PTBP2: variants seen among roughly 807,000 people sequenced by gnomAD.
PTBP2 encodes the protein polypyrimidine tract-binding protein 2.
A neutral mutation model predicts 61.4 loss-of-function variants in PTBP2; 13 were observed. That is an observed-to-expected ratio of 0.21 (90% confidence interval 0.14 to 0.34). The LOEUF is 0.34. Ranked by LOEUF, PTBP2 falls within the 10% of genes least tolerant of loss-of-function variation. PTBP2 has a pLI of 1.00. For missense variants in PTBP2, 405 were observed against 642.6 expected (o/e 0.63, Z 4.00); for synonymous variants, 215 against 218.5 (o/e 0.98, Z 0.14).
intron 3 of PTBP2, among the ~76,000 whole-genome samples, chr1:96,758,413 A>G (rs962321577): frequency 2.0e-5 from 3 of 152,090 alleles, no homozygotes; most frequent in Non-Finnish European, 2.9e-5. Flanking sequence ...TGAAACCACT[A>G]TAACTGACAG....
In PTBP2 at chr1:96,813,477, TG is replaced by T; in HGVS notation, c.*76del. On this transcript the variant is annotated 3_prime_UTR_variant, in exon 14 of 14. Transcript: ENST00000674951. ...TCACCTATTTGACTGTTCAGAAAAG[TG>T]GGGACCAGAGTTTGATTTTTTTTGT... 1 of 1,338,298 alleles carries T rather than the reference TG, an allele frequency of 7.5e-7. No homozygotes were observed. Among genetic ancestry groups the T allele is most frequent in the Non-Finnish European group, 9.9e-7 (1 of 1,012,720 alleles). The allele number at this position is 1,338,298 out of a possible 1,614,324, so 82.9% of individuals were successfully genotyped here. A position where few individuals can be genotyped will look rare whatever the true frequency, so the allele number is the denominator to read the frequency against.
At chr1:96,769,621 T>G in intron 3 of PTBP2, 82 bp from the exon 4 acceptor site, 20 of 1,038,488 alleles carry the variant, frequency 1.9e-5, no homozygotes, top group Non-Finnish European at 2.6e-5. Flanking sequence ...TTTTGGAAAT[T>G]TGTAGTTTTT....
At chr1:96,755,587 G>A (rs1318833460) in intron 3 of PTBP2, among the ~76,000 whole-genome samples, 2 of 152,158 alleles carry the variant, frequency 1.3e-5, no homozygotes, top group African/African-American at 2.4e-5. Context: ...TTCATCAACA[G>A]ATGAACTAAT....
At chr1:96,767,739 A>G (rs1656897672) in intron 3 of PTBP2, among the ~76,000 whole-genome samples, 1 of 152,100 alleles carries the variant, frequency 6.6e-6, no homozygotes, top group Non-Finnish European at 1.5e-5. Flanking sequence ...TGATTTTGTT[A>G]GATAAGATAC....
chr1:96,742,172 AT>A (rs964409573), intron 2 of PTBP2, among the ~76,000 whole-genome samples: 2 of 151,968 alleles, frequency 1.3e-5, no homozygotes, highest in Admixed American at 6.6e-5. Flanking sequence ...TAAAATGGCA[AT>A]TTTTTTTGAG....
intron 11 of PTBP2, among the ~76,000 whole-genome samples, chr1:96,810,597 G>T (rs1661982820): frequency 6.6e-6 from 1 of 152,018 alleles, no homozygotes; most frequent in South Asian, 2.1e-4. Flanking sequence ...CTATGCCTGG[G>T]ACTTATTTTC....
At chr1:96,817,487 C>G (rs1662529543), downstream of PTBP2, 2 of 151,852 alleles carry the variant, frequency 1.3e-5, no homozygotes, top group African/African-American at 4.8e-5. Flanking sequence ...TCAGATTTTG[C>G]AAATAAAAGT....
chr1:96,810,464 A>G (rs1030110838), intron 11 of PTBP2, among the ~76,000 whole-genome samples: 1 of 152,096 alleles, frequency 6.6e-6, no homozygotes, highest in East Asian at 1.9e-4. Flanking sequence ...TTCAGATCCT[A>G]TTGTCAGCAA....
chr1:96,746,839 C>CCCTT (rs1653848950), intron 2 of PTBP2, among the ~76,000 whole-genome samples: 1 of 78,074 alleles, frequency 1.3e-5, no homozygotes, highest in African/African-American at 6.1e-5. Context: ...CTGTCTGTCT[C>CCCTT]CCTCCCTCCC....
intron 5 of PTBP2, among the ~76,000 whole-genome samples, chr1:96,775,411 A>AT (rs1657920942): frequency 2.0e-5 from 3 of 152,212 alleles, no homozygotes; most frequent in African/African-American, 7.2e-5. Context: ...GCAGCAGAAT[A>AT]TGTTGTGTTG....
At chr1:96,762,165 A>G (rs1413640250) in intron 3 of PTBP2, among the ~76,000 whole-genome samples, 6 of 150,710 alleles carry the variant, frequency 4.0e-5, no homozygotes, top group East Asian at 2.0e-4. Flanking sequence ...CGATTTCTCA[A>G]TCTTTTCCCC....
chr1:96,778,463 T>C (rs1658292912), intron 7 of PTBP2, among the ~76,000 whole-genome samples: 1 of 151,982 alleles, frequency 6.6e-6, no homozygotes, highest in South Asian at 2.1e-4. Context: ...CATTGTTACA[T>C]ATGGAGGATG....
At chr1:96,746,611 G>A (rs1175666517) in intron 2 of PTBP2, among the ~76,000 whole-genome samples, 3 of 151,528 alleles carry the variant, frequency 2.0e-5, no homozygotes, top group African/African-American at 4.9e-5. Context: ...TGAAGGAGGA[G>A]GATTGCTTGT....
intron 2 of PTBP2, among the ~76,000 whole-genome samples, chr1:96,738,449 A>AT (rs1431494928): frequency 1.3e-5 from 2 of 151,730 alleles, no homozygotes; most frequent in African/African-American, 4.8e-5. Flanking sequence ...AATTTTTTGT[A>AT]TTTTTAGTAG....
At chr1:96,806,391 C>A (rs748638524) in intron 9 of PTBP2, 28 bp from the exon 10 acceptor site, 4 of 1,518,256 alleles carry the variant, frequency 2.6e-6, no homozygotes, top group Non-Finnish European at 3.7e-6. Context: ...TCTTGTCTTA[C>A]GCTGCTTGCT....
chr1:96,802,211 G>GA (rs5776325), intron 8 of PTBP2, among the ~76,000 whole-genome samples: 3,883 of 53,460 alleles, frequency 0.073, 281 homozygotes, highest in Admixed American at 0.089. Flanking sequence ...ACTCCGTCTC[G>GA]AAAAAAAAAA....
chr1:96,773,808 C>G (rs952871751), intron 5 of PTBP2, among the ~76,000 whole-genome samples: 1 of 151,392 alleles, frequency 6.6e-6, no homozygotes, highest in African/African-American at 2.4e-5. Flanking sequence ...ACTAAAAATA[C>G]GAAAATTAGC....
chr1:96,797,160 C>G (rs3791010), intron 8 of PTBP2, among the ~76,000 whole-genome samples: 1 of 150,888 alleles, frequency 6.6e-6, no homozygotes, highest in African/African-American at 2.4e-5. Context: ...GCATTGACAT[C>G]GGAAGCCATC....
chr1:96,726,743 C>T (rs961236661), intron 2 of PTBP2, among the ~76,000 whole-genome samples: 1 of 151,864 alleles, frequency 6.6e-6, no homozygotes, highest in Non-Finnish European at 1.5e-5. Context: ...AGCCAAAATG[C>T]CAGACTAATT....
Sources: gnomAD v4.1 joint callset for allele counts (sites outside exome capture counted in the v4.1 genomes callset) on GRCh38, gnomAD v4.1.1 for gene constraint, MANE v1.5 for transcripts, NCBI Gene and HGNC (gene_info 2026-07-23, HGNC 2026-07-21) for gene names.